The following OPCML variants were observed in gnomAD, a reference collection of about 807,000 sequenced individuals.
The protein encoded by OPCML is opioid binding protein/cell adhesion molecule like.
A neutral mutation model predicts 37.8 loss-of-function variants in OPCML; 13 were observed. The ratio of observed to expected loss-of-function variants is 0.34; its 90% CI spans 0.22 to 0.55. The LOEUF (loss-of-function observed/expected upper bound fraction) is 0.55, where lower values mean the gene tolerates loss of function less well. Among genes scored for constraint, OPCML ranks in the 20% least tolerant of loss-of-function variants. The pLI, the probability that OPCML is intolerant of heterozygous loss-of-function variation, is 0.91. For missense variants in OPCML, 341 were observed against 435.6 expected (o/e 0.78, Z 1.93); for synonymous variants, 176 against 168.8 (o/e 1.04, Z -0.33).
intron 1 of OPCML, among the ~76,000 whole-genome samples, chr11:133,458,275 C>T (rs11223475): frequency 0.63 from 23,433 of 37,222 alleles, 8,115 homozygotes; most frequent in East Asian, 0.9. Flanking sequence ...TGTATATATA[C>T]ACACATATAT....
intron 1 of OPCML, among the ~76,000 whole-genome samples, chr11:133,327,215 G>A (rs1943495183): frequency 6.6e-6 from 1 of 150,598 alleles, no homozygotes; most frequent in Non-Finnish European, 1.5e-5. Flanking sequence ...GGGTATGTGG[G>A]TATGTGTGTA....
chr11:133,223,432 C>A (rs946045901), intron 1 of OPCML, among the ~76,000 whole-genome samples: 1 of 152,078 alleles, frequency 6.6e-6, no homozygotes, highest in Non-Finnish European at 1.5e-5. Context: ...TTTCTTGTTT[C>A]TTTTTCCTGT....
chr11:133,507,514 T>C (rs1247942237), intron 1 of OPCML, among the ~76,000 whole-genome samples: 1 of 152,108 alleles, frequency 6.6e-6, no homozygotes, highest in Non-Finnish European at 1.5e-5. Flanking sequence ...GGGGAGCTGA[T>C]TCCTAGGGCT....
chr11:132,696,113 A>T (rs145428084), intron 2 of OPCML, among the ~76,000 whole-genome samples: 4 of 152,310 alleles, frequency 2.6e-5, no homozygotes, highest in African/African-American at 9.6e-5. Context: ...TAAATAAATA[A>T]ATAAATAAGC....
At chr11:132,534,256 C>A (rs1454877943) in intron 3 of OPCML, among the ~76,000 whole-genome samples, 1 of 152,100 alleles carries the variant, frequency 6.6e-6, no homozygotes, top group Non-Finnish European at 1.5e-5. Flanking sequence ...CTCTCCTCAA[C>A]CTTTACATTT....
At chr11:133,182,904 G>A (rs904563704) in intron 1 of OPCML, among the ~76,000 whole-genome samples, 5 of 152,048 alleles carry the variant, frequency 3.3e-5, no homozygotes, top group African/African-American at 2.4e-5. Flanking sequence ...CCACGAAGGC[G>A]CCCAACCCCA....
intron 3 of OPCML, among the ~76,000 whole-genome samples, chr11:132,553,114 G>A (rs1163935076): frequency 6.6e-6 from 1 of 152,106 alleles, no homozygotes; most frequent in African/African-American, 2.4e-5. Flanking sequence ...CTATTGATGT[G>A]CTTCACACAA....
intron 1 of OPCML, among the ~76,000 whole-genome samples, chr11:132,974,819 GC>G (rs1159470338): frequency 6.6e-6 from 1 of 151,548 alleles, no homozygotes; most frequent in East Asian, 2.0e-4. Context: ...TTTTCTCCTA[GC>G]CCTAAGCCTG....
At chr11:132,800,955 A>G (rs1938613485) in intron 2 of OPCML, among the ~76,000 whole-genome samples, 1 of 152,190 alleles carries the variant, frequency 6.6e-6, no homozygotes, top group Admixed American at 6.5e-5. Flanking sequence ...TTTATAAAAA[A>G]GCTTGTGAAG....
At position 132,453,661 on chromosome 11, in the gene OPCML, G is replaced by A. The variant is rs376711347; in HGVS notation, c.506-16302C>T. ...AAAATGCATGGTGATTAAGCCCCTC[G>A]GCAGGGTTTCGAGGACAGAGCAGAT... On this transcript the variant is annotated intron_variant, in intron 4 of 7. Transcript: ENST00000524381. Among the ~76,000 whole-genome samples, 7 of 152,296 alleles carry A rather than the reference G, an allele frequency of 4.6e-5. No individual in the cohort carries two copies. In the East Asian group the frequency reaches 1.2e-3, roughly 25 times the overall value.
intron 1 of OPCML, chr11:133,005,533 T>C: frequency 1.0e-6 from 1 of 985,386 alleles, no homozygotes; most frequent in Non-Finnish European, 1.2e-6. Flanking sequence ...CTCCTCTGCA[T>C]TTCCATAGCT....
At chr11:133,502,449 C>T (rs535008791) in intron 1 of OPCML, among the ~76,000 whole-genome samples, 4 of 152,274 alleles carry the variant, frequency 2.6e-5, no homozygotes, top group South Asian at 2.1e-4. Flanking sequence ...GAGGAGGGGC[C>T]GCTCCCTCGC....
intron 1 of OPCML, among the ~76,000 whole-genome samples, chr11:133,307,635 G>C (rs1466607564): frequency 1.3e-5 from 2 of 152,148 alleles, no homozygotes; most frequent in Non-Finnish European, 2.9e-5. Context: ...CCCAGGGAAG[G>C]AGACTGGGGC....
intron 1 of OPCML, among the ~76,000 whole-genome samples, chr11:133,531,662 G>C (rs1477916374): frequency 6.6e-6 from 1 of 151,752 alleles, no homozygotes; most frequent in African/African-American, 2.4e-5. Context: ...GATGGGGCAG[G>C]GAAGGAGCTC....
At chr11:132,582,329 G>A (rs1023456429) in intron 3 of OPCML, among the ~76,000 whole-genome samples, 4 of 151,960 alleles carry the variant, frequency 2.6e-5, no homozygotes, top group African/African-American at 7.3e-5. Context: ...TAAACAAGTT[G>A]AAGGTCAAAC....
chr11:133,459,734 G>T (rs1380706473), intron 1 of OPCML, among the ~76,000 whole-genome samples: 1 of 151,964 alleles, frequency 6.6e-6, no homozygotes, highest in African/African-American at 2.4e-5. Context: ...ATGTAAACAT[G>T]AAAGAATTGG....
intron 1 of OPCML, among the ~76,000 whole-genome samples, chr11:133,345,137 CAG>C (rs892526904): frequency 4.6e-5 from 7 of 152,106 alleles, no homozygotes; most frequent in African/African-American, 1.7e-4. Flanking sequence ...TTCCTGGAAA[CAG>C]TAAAATATCA....
chr11:133,389,393 G>T (rs1945121600), intron 1 of OPCML, among the ~76,000 whole-genome samples: 1 of 152,198 alleles, frequency 6.6e-6, no homozygotes, highest in Non-Finnish European at 1.5e-5. Context: ...TGGCTTTCAG[G>T]CTGACTCAGC....
chr11:132,567,225 C>T (rs2096425663), intron 3 of OPCML, among the ~76,000 whole-genome samples: 1 of 152,132 alleles, frequency 6.6e-6, no homozygotes, highest in African/African-American at 2.4e-5. Flanking sequence ...CTTCCCAGTT[C>T]TCATGGTGAA....
Sources: gnomAD v4.1 joint callset for allele counts (sites outside exome capture counted in the v4.1 genomes callset) on GRCh38, gnomAD v4.1.1 for gene constraint, MANE v1.5 for transcripts, NCBI Gene and HGNC (gene_info 2026-07-23, HGNC 2026-07-21) for gene names.